Variants in CCNJL observed in about 807,000 individuals in gnomAD.
CCNJL encodes the protein cyclin J like.
In CCNJL, 33 loss-of-function variants were observed where a neutral mutation model predicts 33.4. The observed-to-expected ratio is 0.99, with a 90% CI of 0.75 to 1.32. The LOEUF (loss-of-function observed/expected upper bound fraction) is 1.32. CCNJL is among the 40% of genes most tolerant of loss of function. The pLI is 0.00. For synonymous variants in CCNJL, 227 were observed against 220.9 expected (o/e 1.03, Z -0.24); for missense variants, 512 against 499.7 (o/e 1.02, Z -0.23).
At chr5:160,330,314 G>A (rs538806599) in intron 1 of CCNJL, among the ~76,000 whole-genome samples, 11 of 152,278 alleles carry the variant, frequency 7.2e-5, no homozygotes, top group Admixed American at 5.9e-4. Context: ...TGGCATCCAG[G>A]TATTGGCATG....
chr5:160,259,630 T>A lies in CCNJL; in HGVS notation c.422A>T (p.Asn141Ile), dbSNP rs1580947778. The A allele has an allele frequency of 6.2e-7, 1 of 1,613,764 alleles. No homozygotes were observed. The highest frequency in any genetic ancestry group is 8.5e-7 in the Non-Finnish European group (1 of 1,179,952). ...GTGGGCAGGCGTGGGCAGGCAGAGGTTCCAGCTGAAGGCCTCCAGGAGCAG... is the reference window on the plus strand; with the variant it reads ...GTGGGCAGGCGTGGGCAGGCAGAGGATCCAGCTGAAGGCCTCCAGGAGCAG... The part of the protein sequence containing the change: ...ELLLLEAFSW[N>I]LCLPTPAHFL... Residue 141 changes from asparagine (N) to isoleucine (I), a missense_variant, in exon 4 of 6, where the codon AAC becomes ATC. Physicochemically the swap from Asn to Ile is moderately radical, Grantham distance 149. Transcript: ENST00000257536.
intron 3 of CCNJL, among the ~76,000 whole-genome samples, chr5:160,268,001 GT>G (rs1334186551): frequency 2.0e-5 from 3 of 152,216 alleles, no homozygotes; most frequent in Admixed American, 1.3e-4. Context: ...AGTCAAAGGA[GT>G]GGCTCTCTAA....
chr5:160,314,053 C>T (rs1040779054), upstream of CCNJL, among the ~76,000 whole-genome samples: 4 of 152,172 alleles, frequency 2.6e-5, no homozygotes, highest in East Asian at 7.7e-4. Context: ...CCTGTAATCC[C>T]AGCTACTTGG....
At chr5:160,303,784 A>G (rs1581006799) in intron 2 of CCNJL, among the ~76,000 whole-genome samples, 1 of 151,786 alleles carries the variant, frequency 6.6e-6, no homozygotes, top group South Asian at 2.1e-4. Flanking sequence ...GCAGAGTCGC[A>G]GTGTCACCTC....
intron 2 of CCNJL, among the ~76,000 whole-genome samples, chr5:160,308,541 A>C (rs778453313): frequency 2.6e-5 from 4 of 152,222 alleles, no homozygotes; most frequent in Non-Finnish European, 5.9e-5. Flanking sequence ...ACGGATAACG[A>C]GGTCAGGGGT....
intron 1 of CCNJL, among the ~76,000 whole-genome samples, chr5:160,335,570 C>G (rs751584467): frequency 1.3e-5 from 2 of 151,854 alleles, no homozygotes; most frequent in Non-Finnish European, 2.9e-5. Context: ...ATTCCTTCGT[C>G]TTTCTTTCTT....
chr5:160,327,193 C>T lies in CCNJL; in HGVS notation n.207-11688G>A, dbSNP rs561712659. Among the ~76,000 whole-genome samples the T allele has an allele frequency of 8.6e-5, 13 of 151,914 alleles. No individual in the cohort carries two copies. The South Asian group carries it at 1.7e-3, about 19-fold the overall frequency. ...ACTCCAGCTGTGCCACCTATGTGAG[C>T]TGGGTGAGTCTTTGTTTCCTCGTCT... is the stretch of plus-strand genomic sequence containing the variant. On this transcript the variant is annotated intron_variant and non_coding_transcript_variant, in intron 1 of 7. Transcript: ENST00000377503.
In CCNJL at chr5:160,270,464, G is replaced by C. The variant is rs188366657; in HGVS notation, c.280+10061C>G. 1.7e-4 allele frequency among the ~76,000 whole-genome samples: 26 copies of C among 152,074 alleles called. No homozygotes were observed. In the East Asian group the frequency reaches 5.0e-3, roughly 29 times the overall value. On this transcript the variant is annotated intron_variant, in intron 3 of 5. Coordinates refer to ENST00000257536, the MANE Select transcript of CCNJL (RefSeq NM_001308173.3). Reference sequence around the variant, plus strand: ...GTCTCGAAAAAAAAAAAAATTAGCAGGGCCTGGTGGTATGGACGCGCCTGT... The same window carrying C: ...GTCTCGAAAAAAAAAAAAATTAGCACGGCCTGGTGGTATGGACGCGCCTGT...
chr5:160,310,206 C>T (rs1050841030), intron 2 of CCNJL, among the ~76,000 whole-genome samples: 1 of 152,200 alleles, frequency 6.6e-6, no homozygotes, highest in Non-Finnish European at 1.5e-5. Flanking sequence ...CTCCATTCAG[C>T]CACCTCCTCC....
chr5:160,277,940 T>C, intron 3 of CCNJL, among the ~76,000 whole-genome samples: 1 of 151,954 alleles, frequency 6.6e-6, no homozygotes, highest in East Asian at 1.9e-4. Context: ...GGGGTTTCGT[T>C]CTTGTTGCCC....
intron 4 of CCNJL, among the ~76,000 whole-genome samples, chr5:160,256,988 G>A (rs1195278201): frequency 9.2e-5 from 14 of 151,822 alleles, no homozygotes; most frequent in Admixed American, 9.2e-4. Flanking sequence ...CAGTTCATAG[G>A]GCAGCTAAAC....
chr5:160,299,460 G>A (rs35403629), intron 2 of CCNJL, among the ~76,000 whole-genome samples: 39,933 of 151,642 alleles, frequency 0.26, 5,419 homozygotes, highest in Non-Finnish European at 0.28. Flanking sequence ...CTTAAAAGAC[G>A]CTAAAAAAAA....
upstream of CCNJL, among the ~76,000 whole-genome samples, chr5:160,314,722 T>A (rs560379121): frequency 7.9e-5 from 12 of 152,364 alleles, no homozygotes; most frequent in South Asian, 2.3e-3. Flanking sequence ...TAAATCGGTA[T>A]GTAAAACATT....
intron 1 of CCNJL, among the ~76,000 whole-genome samples, chr5:160,327,512 C>T (rs912316479): frequency 6.6e-6 from 1 of 152,246 alleles, no homozygotes; most frequent in Non-Finnish European, 1.5e-5. Context: ...CCAAAGCCTT[C>T]TCCAATGCAG....
At chr5:160,270,862 C>T (rs1330344510) in intron 3 of CCNJL, among the ~76,000 whole-genome samples, 1 of 152,170 alleles carries the variant, frequency 6.6e-6, no homozygotes, top group Non-Finnish European at 1.5e-5. Context: ...TGCCAGAGAA[C>T]ATTCCAGAAC....
At chr5:160,272,962 G>T (rs772530750) in intron 3 of CCNJL, among the ~76,000 whole-genome samples, 8 of 152,222 alleles carry the variant, frequency 5.3e-5, no homozygotes, top group Non-Finnish European at 1.0e-4. Context: ...TTACATAAAT[G>T]ACAGTGTTTA....
intron 5 of CCNJL, chr5:160,254,333 G>A (rs966090520): frequency 4.5e-6 from 3 of 665,538 alleles, no homozygotes; most frequent in South Asian, 1.6e-5. Flanking sequence ...TCTGAAAAGG[G>A]GGCTGGAACA....
At chr5:160,327,318 T>C (rs747226265) in intron 1 of CCNJL, among the ~76,000 whole-genome samples, 1 of 152,236 alleles carries the variant, frequency 6.6e-6, no homozygotes, top group South Asian at 2.1e-4. Context: ...GGCACTGTGC[T>C]AGGCTCTTGG....
In CCNJL at chr5:160,252,224, G is replaced by A. The variant is rs1027049270; in HGVS notation, c.*1154C>T. On this transcript the variant is annotated 3_prime_UTR_variant, in exon 6 of 6. Transcript: ENST00000257536. ...TCTTCCTGAGGGCCCTCTCGCTGCAGATCCCTAAATACTGGCTTTTGATCC... is the reference window on the plus strand; with the variant it reads ...TCTTCCTGAGGGCCCTCTCGCTGCAAATCCCTAAATACTGGCTTTTGATCC... The A allele has an allele frequency of 6.6e-6, 1 of 152,662 alleles. No homozygotes were observed. The highest frequency in any genetic ancestry group is 2.4e-5 in the African/African-American group (1 of 41,452). The allele number at this position is 152,662 out of a possible 1,614,324, so 9.5% of individuals were successfully genotyped here. A position where few individuals can be genotyped will look rare whatever the true frequency, so the allele number is the denominator to read the frequency against.
Sources: allele counts gnomAD v4.1 joint callset (sites outside exome capture counted in the v4.1 genomes callset), GRCh38; gene constraint gnomAD v4.1.1; transcripts MANE v1.5; gene names NCBI Gene and HGNC (gene_info 2026-07-23, HGNC 2026-07-21).